Variants in L1TD1 observed in about 807,000 individuals in gnomAD.
The protein encoded by L1TD1 is LINE1 type transposase domain containing 1.
L1TD1 carries 26 observed loss-of-function variants against 25.7 expected under a neutral mutation model. That is an observed-to-expected ratio of 1.01 (90% confidence interval 0.74 to 1.40). The LOEUF (loss-of-function observed/expected upper bound fraction) is 1.40, where lower values mean the gene tolerates loss of function less well. Among genes scored for constraint, L1TD1 ranks in the 40% most tolerant of loss-of-function variants. The pLI, the probability that L1TD1 is intolerant of heterozygous loss-of-function variation, is 0.00. For synonymous variants in L1TD1, 421 were observed against 335.6 expected, an observed-to-expected ratio of 1.25 and a Z score of -2.78; for missense variants, 1,130 against 975.0, an observed-to-expected ratio of 1.16 and a Z score of -2.12.
At position 62,210,352 on chromosome 1, in the gene L1TD1, C is replaced by G; in HGVS notation, c.1578C>G (p.His526Gln). ...GDSGKKKLVKHQVVHKTQEEE... is the reference protein window; with the variant it reads ...GDSGKKKLVKQQVVHKTQEEE... ...CTGGGAAGAAAAAGTTGGTGAAACA[C>G]CAGGTGGTGCACAAAACCCAGGAGG... The change falls in exon 4 of 4, where the codon CAC becomes CAG. Residue 526 changes from histidine (H) to glutamine (Q), a missense_variant. Coordinates refer to ENST00000498273, the MANE Select transcript of L1TD1 (RefSeq NM_019079.5). 1 of 1,613,902 alleles carries G rather than the reference C, an allele frequency of 6.2e-7. No homozygotes were observed. The highest frequency in any genetic ancestry group is 2.2e-5 in the East Asian group (1 of 44,872).
At chr1:62,208,488 T>TG (rs59814696) in intron 3 of L1TD1, 19,726 of 150,974 alleles carry the variant, frequency 0.13, 1,718 homozygotes, top group African/African-American at 0.22. Context: ...GGGCTTTTTT[T>TG]TTTTTTTTTG....
chr1:62,195,765 G>A (rs1670524194), intron 1 of L1TD1, among the ~76,000 whole-genome samples: 1 of 151,968 alleles, frequency 6.6e-6, no homozygotes, highest in Admixed American at 6.6e-5. Context: ...AAAAAAAGAT[G>A]GAGGGCCGGG....
chr1:62,206,725 A>G lies in L1TD1; in HGVS notation c.97A>G (p.Thr33Ala), dbSNP rs1467839006. The G allele has an allele frequency of 1.3e-6, 2 of 1,551,294 alleles. No homozygotes were observed. Among genetic ancestry groups the G allele is most frequent in the African/African-American group, 2.7e-5 (2 of 73,022 alleles). The change falls in exon 3 of 4, where the codon ACT becomes GCT. Residue 33 changes from threonine to alanine, a missense_variant. Physicochemically the swap from Thr to Ala is moderately conservative, Grantham distance 58. Coordinates refer to ENST00000498273, the MANE Select transcript of L1TD1 (RefSeq NM_019079.5). ...TYMKREQLTETDKDIAPVLDL... is the reference protein window; with the variant it reads ...TYMKREQLTEADKDIAPVLDL... ...TATGAAAAGAGAGCAGTTAACAGAA[A>G]CTGATAAGGACATAGCTCCGGTATT...
chr1:62,208,481 CT>C (rs60188410), intron 3 of L1TD1: 25,623 of 126,706 alleles, frequency 0.2, 2,603 homozygotes, highest in Non-Finnish European at 0.24. Context: ...CTGGAAGGGG[CT>C]TTTTTTTTTT....
chr1:62,206,463 C>G (rs567740399), intron 2 of L1TD1, 56 bp from the exon 3 acceptor site: 98 of 631,324 alleles, frequency 1.6e-4, no homozygotes, highest in Non-Finnish European at 2.2e-4. Flanking sequence ...CATATTCTTA[C>G]CAAGTTTCTC....
intron 2 of L1TD1, among the ~76,000 whole-genome samples, chr1:62,200,082 A>G (rs1213338370): frequency 6.6e-6 from 1 of 152,116 alleles, no homozygotes; most frequent in Non-Finnish European, 1.5e-5. Flanking sequence ...CTTATTATGT[A>G]TGGTATAATT....
In L1TD1 at chr1:62,207,567, G is replaced by A. The variant is rs1670776559; in HGVS notation, c.939G>A (p.Leu313=). 4 of 1,550,662 alleles carry A rather than the reference G, an allele frequency of 2.6e-6. No individual in the cohort carries two copies. Among genetic ancestry groups the A allele is most frequent in the Non-Finnish European group, 3.5e-6 (4 of 1,146,780 alleles). The change falls in exon 3 of 4, where the codon CTG becomes CTA. Residue 313 remains leucine (L), a synonymous_variant. Coordinates refer to ENST00000498273, the MANE Select transcript of L1TD1 (RefSeq NM_019079.5). Reference sequence around the variant, plus strand: ...AAAAATCTTCTGTGAAAGAATTACTGAAAGATGTACTCCCACAAAAGGAAG... The same window carrying A: ...AAAAATCTTCTGTGAAAGAATTACTAAAAGATGTACTCCCACAAAAGGAAG... The part of the protein sequence containing the change: ...ASQKSSVKEL[L]KDVLPQKEEI...
At position 62,211,134 on chromosome 1, in the gene L1TD1, G is replaced by T. The variant is rs1670860815; in HGVS notation, c.2360G>T (p.Gly787Val). The T allele has an allele frequency of 2.6e-6, 4 of 1,549,302 alleles. No individual in the cohort carries two copies. Among genetic ancestry groups the T allele is most frequent in the Non-Finnish European group, 3.5e-6 (4 of 1,146,482 alleles). The change falls in exon 4 of 4, where the codon GGA (glycine) becomes GTA (valine). Residue 787 changes from glycine (G) to valine (V), a missense_variant. Coordinates refer to ENST00000498273, the MANE Select transcript of L1TD1 (RefSeq NM_019079.5). ...GAGAGAAGAGAAATTACCTACCAAG[G>T]AACAAGAATCAGGTTGACAGCAGAC... Reference protein sequence around the residue: ...SRERREITYQGTRIRLTADLS... With the variant: ...SRERREITYQVTRIRLTADLS...
At chr1:62,202,378 T>C (rs1439689206) in intron 2 of L1TD1, among the ~76,000 whole-genome samples, 1 of 152,088 alleles carries the variant, frequency 6.6e-6, no homozygotes, top group Non-Finnish European at 1.5e-5. Flanking sequence ...TTTACATGTT[T>C]TACATGTTTC....
At position 62,210,700 on chromosome 1, in the gene L1TD1, C is replaced by T. The variant is rs552938019; in HGVS notation, c.1926C>T (p.Val642=). The T allele has an allele frequency of 4.4e-5, 69 of 1,552,078 alleles. No individual in the cohort carries two copies. The South Asian group carries it at 7.0e-4, about 16-fold the overall frequency. The change falls in exon 4 of 4, where the codon GTC becomes GTT. Residue 642 remains valine (V), a synonymous_variant. Coordinates refer to ENST00000498273, the MANE Select transcript of L1TD1 (RefSeq NM_019079.5). ...IGNLKSSHSG[V]LEIENSVDDL... Reference sequence around the variant, plus strand: ...ATTTGAAAAGTTCCCATTCAGGTGTCTTGGAAATTGAAAATTCAGTAGATG... The same window carrying T: ...ATTTGAAAAGTTCCCATTCAGGTGTTTTGGAAATTGAAAATTCAGTAGATG...
At position 62,207,618 on chromosome 1, in the gene L1TD1, T is replaced by C. The variant is rs941522486; in HGVS notation, c.990T>C (p.Tyr330=). 1.8e-5 allele frequency: 28 copies of C among 1,534,556 alleles called. No homozygotes were observed. Among genetic ancestry groups the C allele is most frequent in the East Asian group, 1.2e-4 (5 of 40,816 alleles). Residue 330 remains tyrosine, a synonymous_variant, in exon 3 of 4, where the codon TAT becomes TAC. Coordinates refer to ENST00000498273, the MANE Select transcript of L1TD1 (RefSeq NM_019079.5). ...AAATAAATCAAGGAGGAAGAAAATA[T>C]GGAATTCAAGAAAAAAGGGTAAGCA... ...KEEINQGGRK[Y]GIQEKRDKTL...
chr1:62,210,254 A>G lies in L1TD1; in HGVS notation c.1480A>G (p.Thr494Ala), dbSNP rs1323839412. 1 of 1,614,130 alleles carries G rather than the reference A, an allele frequency of 6.2e-7. No individual in the cohort carries two copies. Residue 494 changes from threonine (T) to alanine (A), a missense_variant, in exon 4 of 4, where the codon ACT becomes GCT. Transcript: ENST00000498273. ...GAGCTCTGAAACAGGAAAGGTAAAG[A>G]CTACCTCCCTGACTGAGAAAAAAGC... is the stretch of plus-strand genomic sequence containing the variant. ...GKSSETGKVK[T>A]TSLTEKKASR...
At chr1:62,202,265 A>G (rs1330705781) in intron 2 of L1TD1, among the ~76,000 whole-genome samples, 2 of 151,914 alleles carry the variant, frequency 1.3e-5, no homozygotes, top group African/African-American at 2.4e-5. Context: ...ATGCCATTGC[A>G]TTCCAGCCTG....
chr1:62,200,471 A>G (rs1334253740), intron 2 of L1TD1, among the ~76,000 whole-genome samples: 2 of 147,468 alleles, frequency 1.4e-5, no homozygotes, highest in Non-Finnish European at 3.1e-5. Flanking sequence ...GTGCCTGGCC[A>G]TAATGTATAT....
At chr1:62,208,063 G>A (rs1557445826) in intron 3 of L1TD1, 1 of 154,356 alleles carries the variant, frequency 6.5e-6, no homozygotes, top group Non-Finnish European at 1.4e-5. Context: ...GATATTAAAA[G>A]TAATGATTTA....
At chr1:62,209,707 A>AT in intron 3 of L1TD1, 76 bp from the exon 4 acceptor site, 3 of 1,194,050 alleles carry the variant, frequency 2.5e-6, no homozygotes, top group Non-Finnish European at 3.4e-6. Flanking sequence ...AATTAGTGAA[A>AT]TTGAAATTTT....
Position 62,210,924 on chromosome 1 carries a change from C to T in L1TD1, c.2150C>T (p.Ala717Val), listed in dbSNP as rs1291169698. 5.2e-6 allele frequency: 8 copies of T among 1,549,122 alleles called. No homozygotes were observed. The highest frequency in any genetic ancestry group is 7.0e-6 in the Non-Finnish European group (8 of 1,146,528). ...GAAAAGGAGAGTTATGAGAATAGGG[C>T]AGAGGACATAATTAAAGAAATAATT... ...IPEKESYENRAEDIIKEIIDE... is the reference protein window; with the variant it reads ...IPEKESYENRVEDIIKEIIDE... The change falls in exon 4 of 4, where the codon GCA (alanine) becomes GTA (valine). Residue 717 changes from alanine to valine, a missense_variant. By Grantham distance (64) the Ala-to-Val change is moderately conservative (BLOSUM62 0). Transcript: ENST00000498273.
rs199552452 is a variant in L1TD1 at position 62,209,982 on chromosome 1, T to TGGA, written c.1221_1223dup (p.Glu409dup). The TGGA allele has an allele frequency of 1.2e-5, 18 of 1,457,638 alleles. No homozygotes were observed. The highest frequency in any genetic ancestry group is 1.8e-5 in the Admixed American group (1 of 55,512). The allele number at this position is 1,457,638 out of a possible 1,614,324, so 90.3% of individuals were successfully genotyped here. On this transcript the variant is annotated inframe_insertion, in exon 4 of 4. Transcript: ENST00000498273. ...GAGGATGATGAAGATACCTCAGGGC[T>TGGA]GGAGGAGGAGGAGGAAGAGCCCTCA...
chr1:62,200,119 T>C (rs1047405002), intron 2 of L1TD1, among the ~76,000 whole-genome samples: 2 of 152,202 alleles, frequency 1.3e-5, no homozygotes, highest in African/African-American at 4.8e-5. Context: ...ACATATTGTA[T>C]GCACCATATA....
Sources: allele counts gnomAD v4.1 joint callset (sites outside exome capture counted in the v4.1 genomes callset), GRCh38; gene constraint gnomAD v4.1.1; transcripts MANE v1.5; gene names NCBI Gene and HGNC (gene_info 2026-07-23, HGNC 2026-07-21).